The following LRRC2 variants were observed in gnomAD, a reference collection of about 807,000 sequenced individuals.
LRRC2 encodes the protein leucine rich repeat containing 2.
LRRC2 carries 27 observed loss-of-function variants against 40.2 expected under a neutral mutation model. The ratio of observed to expected loss-of-function variants is 0.67; its 90% CI spans 0.49 to 0.93. The LOEUF is 0.93. Among genes scored for constraint, LRRC2 ranks in the 40% least tolerant of loss-of-function variants. LRRC2 has a pLI of 0.00. For missense variants in LRRC2, 402 were observed against 439.6 expected, an observed-to-expected ratio of 0.91 and a Z score of 0.76; for synonymous variants, 147 against 158.9, an observed-to-expected ratio of 0.92 and a Z score of 0.56.
At chr3:46,549,871 C>T (rs13070959) in intron 2 of LRRC2, among the ~76,000 whole-genome samples, 12,223 of 152,172 alleles carry the variant, frequency 0.08, 561 homozygotes, top group South Asian at 0.17. Flanking sequence ...GCTAGGTGTG[C>T]GGAGGAAATC....
In LRRC2 at chr3:46,532,920, A is replaced by G. The variant is rs763985836; in HGVS notation, c.491-11T>C. The G allele has an allele frequency of 6.2e-7, 1 of 1,613,040 alleles. No homozygotes were observed. Among genetic ancestry groups the G allele is most frequent in the Admixed American group, 1.7e-5 (1 of 59,750 alleles). On this transcript the variant is annotated splice_polypyrimidine_tract_variant and intron_variant, in intron 4 of 8. Coordinates refer to ENST00000395905, the MANE Select transcript of LRRC2 (RefSeq NM_024512.5). ...GGTTCTTCAAACAACCTGTCAGCAG[A>G]AAAAGTTAACATCCATTGAATAGGT...
chr3:46,545,424 C>T (rs1459980415), intron 2 of LRRC2, among the ~76,000 whole-genome samples, 171 bp from the exon 3 acceptor site: 1 of 152,130 alleles, frequency 6.6e-6, no homozygotes, highest in Non-Finnish European at 1.5e-5. Flanking sequence ...AAACCCTAAA[C>T]CCTTTTGTGA....
chr3:46,549,567 T>G (rs991098276), intron 2 of LRRC2, among the ~76,000 whole-genome samples: 1 of 152,192 alleles, frequency 6.6e-6, no homozygotes, highest in Non-Finnish European at 1.5e-5. Flanking sequence ...TAGGTTAAGA[T>G]GAGACAGTGC....
intron 4 of LRRC2, among the ~76,000 whole-genome samples, chr3:46,538,700 C>CA (rs1704317675): frequency 6.6e-6 from 1 of 152,142 alleles, no homozygotes; most frequent in African/African-American, 2.4e-5. Context: ...TGTATAAGAG[C>CA]AATACATTAC....
intron 7 of LRRC2, among the ~76,000 whole-genome samples, chr3:46,522,318 T>C (rs1427075764): frequency 6.6e-6 from 1 of 151,588 alleles, no homozygotes; most frequent in Non-Finnish European, 1.5e-5. Flanking sequence ...GAGGTTGCAG[T>C]GAGCTGAAAT....
intron 1 of LRRC2, chr3:46,559,665 T>C (rs1704892284): frequency 6.6e-6 from 1 of 152,246 alleles, no homozygotes; most frequent in Non-Finnish European, 1.5e-5. Flanking sequence ...TGTCTTTGTG[T>C]TCTAAATATT....
In LRRC2 at chr3:46,527,567, TG is replaced by T; in HGVS notation, c.787del (p.Gln263ArgfsTer10). The T allele has an allele frequency of 2.5e-6, 4 of 1,613,986 alleles. No homozygotes were observed. The highest frequency in any genetic ancestry group is 3.4e-6 in the Non-Finnish European group (4 of 1,179,900). ...PQDIDRLEELQSFLLYKNKLT... is the reference protein window; with the variant it reads ...PQDIDRLEELXSFLLYKNKLT... The stretch of plus-strand genomic sequence containing the variant: ...CTTGTTTTTATACAAGAGAAAGCTC[TG>T]CAGCTCCTCTAGCCTAAGAAGAGGT... On this transcript the variant is annotated frameshift_variant, in exon 7 of 9. Transcript: ENST00000395905. LOFTEE classifies it high-confidence loss of function.
rs1390346792 is a variant in LRRC2 at position 46,532,846 on chromosome 3, T to C, written c.554A>G (p.Glu185Gly). The change falls in exon 5 of 9, where the codon GAA (glutamate) becomes GGA (glycine). Residue 185 changes from glutamate to glycine, a missense_variant. Glu to Gly is a moderately conservative substitution (Grantham distance 98). Transcript: ENST00000395905. ...GFNYLKSIPPELGDCENLERL... is the reference protein window; with the variant it reads ...GFNYLKSIPPGLGDCENLERL... ...CTCTAGATTTTCACAATCTCCCAAT[T>C]CTGGAGGAATGCTCTTCAGATAGTT... 1 of 1,613,870 alleles carries C rather than the reference T, an allele frequency of 6.2e-7. No individual in the cohort carries two copies. The highest frequency in any genetic ancestry group is 8.5e-7 in the Non-Finnish European group (1 of 1,179,918).
At chr3:46,553,281 T>C (rs575222347) in intron 1 of LRRC2, among the ~76,000 whole-genome samples, 2 of 152,318 alleles carry the variant, frequency 1.3e-5, no homozygotes, top group African/African-American at 2.4e-5. Flanking sequence ...TTTCTAGATA[T>C]TGTTTTGAAA....
Position 46,518,877 on chromosome 3 carries a change from A to AT in LRRC2, c.*136dup, listed in dbSNP as rs549962274. 5.9e-5 allele frequency: 40 copies of AT among 675,068 alleles called. No homozygotes were observed. In the Middle Eastern group the frequency reaches 1.2e-3, roughly 20 times the overall value. The allele number at this position is 675,068 out of a possible 1,614,324, so 41.8% of individuals were successfully genotyped here. ...CTCATGTATTTGACATTTGAAAACC[A>AT]TTTTTTTTAGCAACTATGATAGTGG... On this transcript the variant is annotated 3_prime_UTR_variant, in exon 9 of 9. Transcript: ENST00000395905.
chr3:46,543,297 T>A (rs1422656413), intron 3 of LRRC2, among the ~76,000 whole-genome samples: 1 of 151,952 alleles, frequency 6.6e-6, no homozygotes, highest in African/African-American at 2.4e-5. Flanking sequence ...ATCTTCCCAT[T>A]CCCTTTACCA....
chr3:46,555,334 T>TTTTA (rs1679675718), intron 1 of LRRC2, among the ~76,000 whole-genome samples: 1 of 152,302 alleles, frequency 6.6e-6, no homozygotes, highest in Admixed American at 6.5e-5. Flanking sequence ...TTGATGTATG[T>TTTTA]ATGCCATTTA....
intron 1 of LRRC2, among the ~76,000 whole-genome samples, chr3:46,561,202 A>C (rs1704932007): frequency 6.6e-6 from 1 of 151,916 alleles, no homozygotes; most frequent in Admixed American, 6.6e-5. Flanking sequence ...TCAGAACAAG[A>C]GGGACTAGCC....
intron 1 of LRRC2, among the ~76,000 whole-genome samples, chr3:46,565,784 A>T (rs897984433): frequency 1.3e-5 from 2 of 152,236 alleles, no homozygotes; most frequent in African/African-American, 4.8e-5. Context: ...CATACCATTC[A>T]GGACACAAAC....
chr3:46,545,699 A>G (rs775575126), intron 2 of LRRC2, among the ~76,000 whole-genome samples: 2 of 152,206 alleles, frequency 1.3e-5, no homozygotes, highest in African/African-American at 2.4e-5. Flanking sequence ...AGGTCCACTC[A>G]GACACTGGAG....
intron 4 of LRRC2, among the ~76,000 whole-genome samples, chr3:46,536,216 T>C (rs1704267292): frequency 6.6e-6 from 1 of 152,226 alleles, no homozygotes; most frequent in Admixed American, 6.5e-5. Flanking sequence ...ACTTAGCGCT[T>C]ACTGAGAGGC....
At chr3:46,541,157 C>A (rs1299162457) in intron 3 of LRRC2, among the ~76,000 whole-genome samples, 1 of 151,974 alleles carries the variant, frequency 6.6e-6, no homozygotes, top group Non-Finnish European at 1.5e-5. Flanking sequence ...CACAGTGAAA[C>A]TCCGTCTCTA....
At chr3:46,529,792 A>G in intron 6 of LRRC2, 113 bp downstream of exon 6, 1 of 1,160,318 alleles carries the variant, frequency 8.6e-7, no homozygotes, top group Non-Finnish European at 1.2e-6. Context: ...GAAACTCTGG[A>G]AAATTAGTTG....
chr3:46,554,009 G>T (rs1162548662), intron 1 of LRRC2, among the ~76,000 whole-genome samples: 1 of 151,272 alleles, frequency 6.6e-6, no homozygotes, highest in Non-Finnish European at 1.5e-5. Flanking sequence ...ATTGGTTGTT[G>T]TTGTTGTTTT....
Sources: gnomAD v4.1 joint callset for allele counts (sites outside exome capture counted in the v4.1 genomes callset) on GRCh38, gnomAD v4.1.1 for gene constraint, MANE v1.5 for transcripts, NCBI Gene and HGNC (gene_info 2026-07-23, HGNC 2026-07-21) for gene names.